Variants in AGXT2 observed in about 807,000 individuals in gnomAD.
AGXT2 encodes alanine--glyoxylate aminotransferase 2, mitochondrial.
AGXT2 carries 61 observed loss-of-function variants against 62.5 expected under a neutral mutation model. The observed-to-expected ratio is 0.98, with a 90% CI of 0.79 to 1.21. The LOEUF is 1.21. Among genes scored for constraint, AGXT2 ranks in the 50% most tolerant of loss-of-function variants. The pLI is 0.00. For missense variants in AGXT2, 666 were observed against 641.5 expected (o/e 1.04, Z -0.41); for synonymous variants, 243 against 218.7 (o/e 1.11, Z -0.98).
chr5:35,007,167 C>T (rs937502860), intron 12 of AGXT2, among the ~76,000 whole-genome samples: 5 of 152,090 alleles, frequency 3.3e-5, no homozygotes, highest in African/African-American at 7.2e-5. Flanking sequence ...GCTCTTTTGC[C>T]TCATTTACTA....
chr5:35,044,356 G>A (rs956954965), intron 1 of AGXT2, among the ~76,000 whole-genome samples: 1 of 152,190 alleles, frequency 6.6e-6, no homozygotes, highest in Admixed American at 6.5e-5. Flanking sequence ...TCACACATGG[G>A]GCCGCAGTCT....
intron 9 of AGXT2, among the ~76,000 whole-genome samples, chr5:35,021,848 A>G (rs1420819824): frequency 6.6e-6 from 1 of 152,234 alleles, no homozygotes; most frequent in Non-Finnish European, 1.5e-5. Flanking sequence ...AATATCCAGA[A>G]TCTACAATGA....
At chr5:35,022,402 G>C (rs941164720) in intron 9 of AGXT2, among the ~76,000 whole-genome samples, 2 of 152,014 alleles carry the variant, frequency 1.3e-5, no homozygotes, top group African/African-American at 4.8e-5. Flanking sequence ...CATAAAAAAT[G>C]ATGAGTTCAT....
At chr5:35,013,373 C>T (rs1166600778) in intron 10 of AGXT2, among the ~76,000 whole-genome samples, 7 of 152,328 alleles carry the variant, frequency 4.6e-5, no homozygotes, top group Admixed American at 1.3e-4. Context: ...AGCCCTCTCC[C>T]ACCCCTCTCC....
intron 9 of AGXT2, among the ~76,000 whole-genome samples, chr5:35,023,860 AATATTTAT>A (rs1326920778): frequency 3.1e-5 from 4 of 128,038 alleles, no homozygotes; most frequent in South Asian, 2.7e-4. Context: ...AGCTGTAGGG[AATATTTAT>A]TTATTTATTT....
chr5:34,998,551 G>A lies in AGXT2; in HGVS notation c.*168C>T. ...GAATGGAGTTCTCAAGATAAGAGGG[G>A]CTCTGCTAACAAATATGGTTGGTAG... On this transcript the variant is annotated 3_prime_UTR_variant, in exon 14 of 14. Transcript: ENST00000231420. 1.6e-6 allele frequency: 1 copy of A among 640,350 alleles called. No individual in the cohort carries two copies. The highest frequency in any genetic ancestry group is 2.8e-6 in the Non-Finnish European group (1 of 360,816). The allele number at this position is 640,350 out of a possible 1,614,324, so 39.7% of individuals were successfully genotyped here. A position where few individuals can be genotyped will look rare whatever the true frequency, so the allele number is the denominator to read the frequency against.
Position 35,032,817 on chromosome 5 carries a change from A to G in AGXT2, c.684T>C (p.Cys228=), listed in dbSNP as rs993867609. 7.5e-6 allele frequency: 12 copies of G among 1,603,588 alleles called. No homozygotes were observed. The highest frequency in any genetic ancestry group is 9.4e-6 in the Non-Finnish European group (11 of 1,174,392). The change falls in exon 7 of 14, where the codon TGT becomes TGC. Residue 228 remains cysteine, a synonymous_variant. Transcript: ENST00000231420. ...CCCAAGGGCCACGAAAAACATCTGG[A>G]CACATTGTCTGCAAATGACAAAAGA... ...PGGTGCQPTM[C]PDVFRGPWGG... is the part of the protein sequence containing the mutation.
chr5:35,018,242 G>A (rs1436895431), intron 9 of AGXT2, among the ~76,000 whole-genome samples: 1 of 152,110 alleles, frequency 6.6e-6, no homozygotes, highest in Non-Finnish European at 1.5e-5. Context: ...GATACTCCTT[G>A]AGAAGAGCAA....
intron 9 of AGXT2, among the ~76,000 whole-genome samples, chr5:35,021,692 G>A (rs1420554795): frequency 6.6e-6 from 1 of 152,120 alleles, no homozygotes; most frequent in Non-Finnish European, 1.5e-5. Context: ...AACGCCAAAA[G>A]CAATGGCAAC....
chr5:35,029,843 T>C (rs1478512105), intron 7 of AGXT2, among the ~76,000 whole-genome samples: 1 of 151,914 alleles, frequency 6.6e-6, no homozygotes. Context: ...TCCTGGGAGG[T>C]AGATGGAGTA....
chr5:35,035,202 A>G lies in AGXT2; in HGVS notation c.581+20T>C, dbSNP rs1212053415. On this transcript the variant is annotated intron_variant, in intron 5 of 13. Transcript: ENST00000231420. ...GGTAAGTCAGTGTTCCTAAAGTTGA[A>G]TATTCCAAGTTGTGATTACCTGAAA... The G allele has an allele frequency of 1.2e-6, 2 of 1,606,990 alleles. No individual in the cohort carries two copies. The highest frequency in any genetic ancestry group is 8.5e-7 in the Non-Finnish European group (1 of 1,173,470).
chr5:35,045,227 T>C (rs1768140115), intron 1 of AGXT2, among the ~76,000 whole-genome samples: 2 of 152,222 alleles, frequency 1.3e-5, no homozygotes, highest in African/African-American at 4.8e-5. Flanking sequence ...CATATGAATA[T>C]TGTACAGTAA....
rs764137631 is a variant in AGXT2 at position 35,035,294 on chromosome 5, C to G, written c.509G>C (p.Gly170Ala). ...PLKVIFLVNS[G>A]SEANELAMLM... ...CATGGCCAGCTCATTGGCTTCTGAG[C>G]CACTGTTCACCAAGAAAATGACCTG... The change falls in exon 5 of 14, where the codon GGC (glycine) becomes GCC (alanine). Residue 170 changes from glycine (G) to alanine (A), a missense_variant. Physicochemically the swap from Gly to Ala is moderately conservative, Grantham distance 60. Coordinates refer to ENST00000231420, the MANE Select transcript of AGXT2 (RefSeq NM_031900.4). The G allele has an allele frequency of 2.5e-6, 4 of 1,613,938 alleles. No homozygotes were observed. Among genetic ancestry groups the G allele is most frequent in the African/African-American group, 1.3e-5 (1 of 75,012 alleles).
intron 11 of AGXT2, among the ~76,000 whole-genome samples, chr5:35,012,042 A>G (rs1580576844): frequency 6.6e-6 from 1 of 151,998 alleles, no homozygotes; most frequent in Non-Finnish European, 1.5e-5. Context: ...GGTGAGAGCT[A>G]AGCTATGGGT....
chr5:35,004,352 C>G (rs964125860), intron 12 of AGXT2, among the ~76,000 whole-genome samples: 1 of 152,152 alleles, frequency 6.6e-6, no homozygotes, highest in Non-Finnish European at 1.5e-5. Context: ...TGAGGAGGGG[C>G]CGGTTTGTCC....
chr5:35,014,180 G>A (rs372138125), intron 9 of AGXT2, 61 bp from the exon 10 acceptor site: 53 of 1,608,540 alleles, frequency 3.3e-5, no homozygotes, highest in Middle Eastern at 1.8e-4. Flanking sequence ...TCGACAGGGC[G>A]CGGTGGCTCA....
chr5:35,029,038 T>C (rs373590101), intron 7 of AGXT2, among the ~76,000 whole-genome samples: 2 of 152,342 alleles, frequency 1.3e-5, no homozygotes, highest in South Asian at 4.1e-4. Context: ...CGGAAAAGTT[T>C]GATTGACAGA....
intron 4 of AGXT2, among the ~76,000 whole-genome samples, chr5:35,036,365 G>A (rs907817399): frequency 2.0e-5 from 3 of 152,094 alleles, no homozygotes; most frequent in Non-Finnish European, 2.9e-5. Flanking sequence ...GTATTAACTC[G>A]TTTAATGTCT....
intron 1 of AGXT2, among the ~76,000 whole-genome samples, chr5:35,042,451 C>T (rs1768021217): frequency 6.6e-6 from 1 of 151,980 alleles, no homozygotes; most frequent in African/African-American, 2.4e-5. Context: ...TGAAATAAAC[C>T]TGGATAATAC....
Sources: gnomAD v4.1 joint callset for allele counts (sites outside exome capture counted in the v4.1 genomes callset) on GRCh38, gnomAD v4.1.1 for gene constraint, MANE v1.5 for transcripts, NCBI Gene and HGNC (gene_info 2026-07-23, HGNC 2026-07-21) for gene names.